SPAG16: variants seen among roughly 807,000 people sequenced by gnomAD.
The protein encoded by SPAG16 is sperm associated antigen 16, also known as sperm-associated antigen 16 protein.
SPAG16 carries 86 observed loss-of-function variants against 80.4 expected under a neutral mutation model. That is an observed-to-expected ratio of 1.07 (90% CI 0.90 to 1.28). The LOEUF (loss-of-function observed/expected upper bound fraction) is 1.28, where lower values mean the gene tolerates loss of function less well. Ranked by LOEUF, SPAG16 falls within the 50% of genes most tolerant of loss-of-function variation. SPAG16 has a pLI of 0.00. For synonymous variants in SPAG16, 294 were observed against 265.9 expected (o/e 1.11, Z -1.03); for missense variants, 870 against 765.3 (o/e 1.14, Z -1.61).
At chr2:213,795,649 A>G (rs1006420892) in intron 10 of SPAG16, among the ~76,000 whole-genome samples, 1 of 152,078 alleles carries the variant, frequency 6.6e-6, no homozygotes, top group Non-Finnish European at 1.5e-5. Flanking sequence ...GCCTGGTGGG[A>G]GGTGATTAGA....
chr2:213,324,305 T>C (rs112345142), intron 5 of SPAG16, among the ~76,000 whole-genome samples: 23 of 152,284 alleles, frequency 1.5e-4, no homozygotes, highest in African/African-American at 5.5e-4. Flanking sequence ...ATGCTTTATA[T>C]ACATTGAAGT....
chr2:213,791,593 A>C (rs2125609386), intron 10 of SPAG16, among the ~76,000 whole-genome samples: 1 of 152,266 alleles, frequency 6.6e-6, no homozygotes, highest in South Asian at 2.1e-4. Context: ...TAAATCTGAA[A>C]CTTGAATGGG....
chr2:214,335,019 A>G (rs1697182434), intron 15 of SPAG16, among the ~76,000 whole-genome samples: 2 of 152,212 alleles, frequency 1.3e-5, no homozygotes. Flanking sequence ...TGCTCGCAGG[A>G]AAAGAACTGT....
At chr2:213,374,604 A>G (rs1345640804) in intron 8 of SPAG16, among the ~76,000 whole-genome samples, 5 of 151,562 alleles carry the variant, frequency 3.3e-5, no homozygotes, top group African/African-American at 1.2e-4. Context: ...AAGCATAGAC[A>G]ATAATATTTT....
intron 15 of SPAG16, among the ~76,000 whole-genome samples, chr2:214,220,179 A>G (rs968289276): frequency 6.6e-6 from 1 of 152,146 alleles, no homozygotes; most frequent in Non-Finnish European, 1.5e-5. Context: ...TAACTATTTA[A>G]ATATCTTATA....
intron 13 of SPAG16, among the ~76,000 whole-genome samples, chr2:214,080,084 TA>T (rs1440330020): frequency 1.3e-5 from 2 of 152,170 alleles, no homozygotes; most frequent in African/African-American, 4.8e-5. Context: ...TCATGATAAA[TA>T]TTTATGTTAA....
intron 8 of SPAG16, 61 bp downstream of exon 8, chr2:213,364,206 C>A: frequency 1.0e-6 from 1 of 965,642 alleles, no homozygotes; most frequent in Non-Finnish European, 1.5e-6. Context: ...TCAACCTTAT[C>A]AGTGATTAAT....
intron 10 of SPAG16, among the ~76,000 whole-genome samples, chr2:213,834,177 T>C (rs2073955673): frequency 6.6e-6 from 1 of 152,184 alleles, no homozygotes; most frequent in Non-Finnish European, 1.5e-5. Context: ...TCCCCAGCCA[T>C]GTGCAGCTGT....
At chr2:213,406,885 C>G (rs928568874) in intron 9 of SPAG16, among the ~76,000 whole-genome samples, 1 of 144,288 alleles carries the variant, frequency 6.9e-6, no homozygotes, top group African/African-American at 2.6e-5. Context: ...GGTGAGAAAT[C>G]AAGACCCACC....
chr2:214,041,791 TCA>T (rs2049020867), intron 13 of SPAG16, among the ~76,000 whole-genome samples: 1 of 151,600 alleles, frequency 6.6e-6, no homozygotes, highest in African/African-American at 2.4e-5. Context: ...TGCAGTATTT[TCA>T]CACACACAGG....
intron 6 of SPAG16, among the ~76,000 whole-genome samples, chr2:213,349,760 T>C (rs2065220860): frequency 6.6e-6 from 1 of 152,106 alleles, no homozygotes; most frequent in East Asian, 1.9e-4. Flanking sequence ...TGTGGAATAA[T>C]CTAAAGAAAC....
chr2:214,214,492 T>G (rs1198249283), intron 15 of SPAG16, among the ~76,000 whole-genome samples: 3 of 152,160 alleles, frequency 2.0e-5, no homozygotes, highest in African/African-American at 7.2e-5. Context: ...AAAACTTCCC[T>G]TAATTCCTGT....
At chr2:213,748,970 A>C (rs1032873647) in intron 10 of SPAG16, among the ~76,000 whole-genome samples, 42 of 152,230 alleles carry the variant, frequency 2.8e-4, no homozygotes, top group African/African-American at 1.0e-3. Flanking sequence ...AACAAGGTGA[A>C]ACCCTGTCTC....
chr2:213,542,597 A>T (rs2125919576), intron 10 of SPAG16, among the ~76,000 whole-genome samples: 1 of 152,290 alleles, frequency 6.6e-6, no homozygotes, highest in Admixed American at 6.5e-5. Context: ...CAGAAAAATA[A>T]AAACAACAAC....
intron 6 of SPAG16, among the ~76,000 whole-genome samples, chr2:213,345,477 T>C (rs1324639354): frequency 9.5e-6 from 1 of 104,824 alleles, no homozygotes; most frequent in Non-Finnish European, 1.9e-5. Flanking sequence ...CTGAATGGTA[T>C]TGCCTAGGTT....
chr2:213,375,475 A>T (rs1172382653), intron 9 of SPAG16, among the ~76,000 whole-genome samples: 1 of 152,070 alleles, frequency 6.6e-6, no homozygotes, highest in African/African-American at 2.4e-5. Context: ...ATGTAACGTC[A>T]GACTTTACTT....
intron 10 of SPAG16, among the ~76,000 whole-genome samples, chr2:213,571,606 C>A (rs1241753467): frequency 4.7e-5 from 1 of 21,176 alleles, no homozygotes; most frequent in Admixed American, 4.6e-4. Context: ...CCGAGAGATC[C>A]GCTGTTAGTC....
At chr2:214,026,913 C>T (rs966654934) in intron 13 of SPAG16, among the ~76,000 whole-genome samples, 2 of 151,482 alleles carry the variant, frequency 1.3e-5, no homozygotes, top group Non-Finnish European at 3.0e-5. Flanking sequence ...ATTTTTTTCC[C>T]TTCAGCCTTT....
At chr2:213,491,841 A>G (rs1453487594) in intron 10 of SPAG16, among the ~76,000 whole-genome samples, 1 of 152,240 alleles carries the variant, frequency 6.6e-6, no homozygotes, top group Non-Finnish European at 1.5e-5. Context: ...AACTCAAGGA[A>G]TAATGGTTTT....
Sources: gnomAD v4.1 joint callset for allele counts (sites outside exome capture counted in the v4.1 genomes callset) on GRCh38, gnomAD v4.1.1 for gene constraint, MANE v1.5 for transcripts, NCBI Gene and HGNC (gene_info 2026-07-23, HGNC 2026-07-21) for gene names.